NECAB1: variants seen among roughly 807,000 people sequenced by gnomAD.
NECAB1 encodes N-terminal EF-hand calcium-binding protein 1.
A neutral mutation model predicts 57.5 loss-of-function variants in NECAB1; 29 were observed. The ratio of observed to expected loss-of-function variants is 0.50; its 90% CI spans 0.38 to 0.69. The LOEUF is 0.69. Ranked by LOEUF, NECAB1 falls within the 30% of genes least tolerant of loss-of-function variation. The probability of loss-of-function intolerance (pLI) is 0.00; values close to 1 mark genes in which losing one functional copy is unlikely to be tolerated. For missense variants in NECAB1, 372 were observed against 413.8 expected (o/e 0.90, Z 0.88); for synonymous variants, 142 against 147.7 (o/e 0.96, Z 0.28).
At chr8:90,899,344 A>G (rs1181947470) in intron 5 of NECAB1, among the ~76,000 whole-genome samples, 1 of 152,120 alleles carries the variant, frequency 6.6e-6, no homozygotes, top group African/African-American at 2.4e-5. Flanking sequence ...CATGGGCAAA[A>G]ATTCAAGAAT....
At chr8:90,899,144 G>A (rs1809436101) in intron 5 of NECAB1, among the ~76,000 whole-genome samples, 1 of 152,214 alleles carries the variant, frequency 6.6e-6, no homozygotes, top group Non-Finnish European at 1.5e-5. Flanking sequence ...CTCATAAGAG[G>A]AGTCCCCCCT....
chr8:90,927,716 CT>C (rs1278332391), intron 7 of NECAB1, among the ~76,000 whole-genome samples: 1 of 151,370 alleles, frequency 6.6e-6, no homozygotes, highest in East Asian at 1.9e-4. Context: ...AGTCTGCACT[CT>C]TAACCACTAT....
intron 5 of NECAB1, among the ~76,000 whole-genome samples, chr8:90,884,551 C>T (rs1808925050): frequency 6.6e-6 from 1 of 152,032 alleles, no homozygotes; most frequent in Admixed American, 6.5e-5. Context: ...TGAAATGATA[C>T]CATATGTGGC....
intron 4 of NECAB1, among the ~76,000 whole-genome samples, chr8:90,872,863 A>T (rs887295835): frequency 6.6e-6 from 1 of 152,122 alleles, no homozygotes; most frequent in Non-Finnish European, 1.5e-5. Flanking sequence ...TTTAAGTTCG[A>T]TCTTATTGTC....
chr8:90,879,698 A>C (rs907387305), intron 4 of NECAB1, among the ~76,000 whole-genome samples: 1 of 152,172 alleles, frequency 6.6e-6, no homozygotes, highest in African/African-American at 2.4e-5. Context: ...ATTTGTTATA[A>C]ATAATTGCAC....
chr8:90,878,906 CCTCT>C (rs60624653), intron 4 of NECAB1, among the ~76,000 whole-genome samples: 3 of 147,020 alleles, frequency 2.0e-5, no homozygotes, highest in African/African-American at 2.5e-5. Flanking sequence ...AGAGGCTTTA[CCTCT>C]CTCTCTCTAT....
intron 6 of NECAB1, among the ~76,000 whole-genome samples, chr8:90,923,329 G>T (rs1322843968): frequency 6.6e-6 from 1 of 152,204 alleles, no homozygotes; most frequent in Non-Finnish European, 1.5e-5. Context: ...CCATACTGAA[G>T]AGTGAGATGT....
chr8:90,882,196 G>T (rs1366422378), intron 5 of NECAB1, among the ~76,000 whole-genome samples: 1 of 152,160 alleles, frequency 6.6e-6, no homozygotes, highest in Admixed American at 6.5e-5. Context: ...TTGGGATTGG[G>T]GTGGATAATA....
chr8:90,910,519 T>C (rs190684650), intron 5 of NECAB1, among the ~76,000 whole-genome samples: 1 of 152,298 alleles, frequency 6.6e-6, no homozygotes, highest in Non-Finnish European at 1.5e-5. Flanking sequence ...CTTCCAAGGC[T>C]TTCTGGCTCT....
intron 9 of NECAB1, among the ~76,000 whole-genome samples, chr8:90,936,207 G>C (rs1810534429): frequency 6.6e-6 from 1 of 152,074 alleles, no homozygotes; most frequent in Admixed American, 6.6e-5. Flanking sequence ...GATCTATCCT[G>C]ATGCCCAAAA....
At chr8:90,912,110 C>T (rs1307414156) in intron 5 of NECAB1, among the ~76,000 whole-genome samples, 1 of 152,152 alleles carries the variant, frequency 6.6e-6, no homozygotes, top group African/African-American at 2.4e-5. Flanking sequence ...TGACCTGGGT[C>T]CTCATCTAGT....
At chr8:90,869,774 G>A (rs1808588345) in intron 3 of NECAB1, among the ~76,000 whole-genome samples, 1 of 152,154 alleles carries the variant, frequency 6.6e-6, no homozygotes, top group Non-Finnish European at 1.5e-5. Context: ...CTTTGGACTT[G>A]GACATTTGAG....
intron 3 of NECAB1, among the ~76,000 whole-genome samples, chr8:90,862,275 C>T (rs1808409884): frequency 6.6e-6 from 1 of 152,044 alleles, no homozygotes; most frequent in Non-Finnish European, 1.5e-5. Context: ...TAAAAATATT[C>T]ATGGAAAGAC....
chr8:90,917,452 T>C (rs1340949863), intron 5 of NECAB1, 40 bp from the exon 6 acceptor site: 1 of 1,546,746 alleles, frequency 6.5e-7, no homozygotes, highest in African/African-American at 1.4e-5. Flanking sequence ...GGTATTTTTT[T>C]CTACCATACT....
At chr8:90,886,073 A>T (rs976616819) in intron 5 of NECAB1, among the ~76,000 whole-genome samples, 3 of 152,186 alleles carry the variant, frequency 2.0e-5, no homozygotes, top group African/African-American at 7.2e-5. Context: ...ATTTTTTATC[A>T]TAGTTTGTTG....
chr8:90,865,090 A>G (rs1273278089), intron 3 of NECAB1, among the ~76,000 whole-genome samples: 1 of 152,148 alleles, frequency 6.6e-6, no homozygotes, highest in Non-Finnish European at 1.5e-5. Context: ...GAATGGAAGA[A>G]GGGCGGAGCA....
chr8:90,909,278 C>A (rs1353291593), intron 5 of NECAB1, among the ~76,000 whole-genome samples: 1 of 151,876 alleles, frequency 6.6e-6, no homozygotes, highest in Non-Finnish European at 1.5e-5. Flanking sequence ...TTTATATGGT[C>A]TATGAACATA....
chr8:90,955,321 G>A lies in NECAB1; in HGVS notation c.1031-166G>A, dbSNP rs1245839792. 2.0e-5 allele frequency among the ~76,000 whole-genome samples: 3 copies of A among 151,310 alleles called. No individual in the cohort carries two copies. In the East Asian group the frequency reaches 5.9e-4, roughly 30 times the overall value. On this transcript the variant is annotated intron_variant, in intron 12 of 12. Transcript: ENST00000417640. ...GGTACAAATAACAAGTGCATAGGAA[G>A]AGTTCAATCTTGCCTCAAATAGTCA...
At chr8:90,886,814 G>C (rs1374675328) in intron 5 of NECAB1, among the ~76,000 whole-genome samples, 1 of 152,004 alleles carries the variant, frequency 6.6e-6, no homozygotes, top group African/African-American at 2.4e-5. Flanking sequence ...GTAATTTTGA[G>C]AGAATTGTCA....
Sources: gnomAD v4.1 joint callset for allele counts (sites outside exome capture counted in the v4.1 genomes callset) on GRCh38, gnomAD v4.1.1 for gene constraint, MANE v1.5 for transcripts, NCBI Gene and HGNC (gene_info 2026-07-23, HGNC 2026-07-21) for gene names.